The following FBLN7 variants were observed in gnomAD, a reference collection of about 807,000 sequenced individuals.
The protein encoded by FBLN7 is fibulin-7.
FBLN7 carries 31 observed loss-of-function variants against 44.0 expected under a neutral mutation model. The observed-to-expected ratio is 0.70, with a 90% CI of 0.53 to 0.95. The LOEUF (loss-of-function observed/expected upper bound fraction) is 0.95. FBLN7 is among the 40% of genes least tolerant of loss of function. The pLI, the probability that FBLN7 is intolerant of heterozygous loss-of-function variation, is 0.00. For missense variants in FBLN7, 573 were observed against 618.5 expected, an observed-to-expected ratio of 0.93 and a Z score of 0.78; for synonymous variants, 262 against 253.4, an observed-to-expected ratio of 1.03 and a Z score of -0.32.
At chr2:112,199,954 C>T in the FBLN7 span, among the ~76,000 whole-genome samples, 1 of 152,190 alleles carries the variant, frequency 6.6e-6, no homozygotes, top group Non-Finnish European at 1.5e-5. Flanking sequence ...CAGTTCCATG[C>T]TCTTGAACTT....
In FBLN7 at chr2:112,138,486, C is replaced by A; in HGVS notation, c.-170C>A. 1.3e-6 allele frequency: 1 copy of A among 784,888 alleles called. No homozygotes were observed. The highest frequency in any genetic ancestry group is 1.7e-6 in the Non-Finnish European group (1 of 577,784). The allele number at this position is 784,888 out of a possible 1,614,324, so 48.6% of individuals were successfully genotyped here. A position where few individuals can be genotyped will look rare whatever the true frequency, so the allele number is the denominator to read the frequency against. On this transcript the variant is annotated 5_prime_UTR_variant, in exon 1 of 8. Transcript: ENST00000331203. ...CGCAAGGCCCGGGCGGCGCCGATCC[C>A]CGCGGGACGCGCTGCGCTCGGGGCC...
At chr2:112,157,958 G>A (rs959766657) in intron 1 of FBLN7, among the ~76,000 whole-genome samples, 22 of 149,704 alleles carry the variant, frequency 1.5e-4, no homozygotes, top group Non-Finnish European at 2.4e-4. Flanking sequence ...GTGCAGTGGC[G>A]CGATCTCGGC....
At chr2:112,230,816 C>A in the FBLN7 span, 1 of 816,392 alleles carries the variant, frequency 1.2e-6, no homozygotes, top group Non-Finnish European at 1.7e-6. Flanking sequence ...AAAAATACTT[C>A]TATTTGAGAA....
chr2:112,217,031 T>C, the FBLN7 span, among the ~76,000 whole-genome samples: 14 of 152,316 alleles, frequency 9.2e-5, no homozygotes, highest in Admixed American at 7.8e-4. Flanking sequence ...AAAACCCAAC[T>C]ACATATGTTC....
At chr2:112,203,858 G>A in the FBLN7 span, among the ~76,000 whole-genome samples, 2 of 152,286 alleles carry the variant, frequency 1.3e-5, no homozygotes, top group South Asian at 4.1e-4. Flanking sequence ...CAGATCTCAT[G>A]AGACTTATTC....
chr2:112,178,395 G>T (rs1305190224), intron 4 of FBLN7, among the ~76,000 whole-genome samples: 1 of 152,010 alleles, frequency 6.6e-6, no homozygotes, highest in South Asian at 2.1e-4. Flanking sequence ...AGGACCTGAC[G>T]GATTCACAGC....
chr2:112,158,187 G>A (rs554712822), intron 1 of FBLN7, among the ~76,000 whole-genome samples: 215 of 152,182 alleles, frequency 1.4e-3, no homozygotes, highest in African/African-American at 4.8e-3. Flanking sequence ...GTGAGCCACC[G>A]TGCCCAGCCT....
the FBLN7 span, among the ~76,000 whole-genome samples, chr2:112,195,275 T>C: frequency 1.3e-5 from 2 of 152,218 alleles, no homozygotes; most frequent in East Asian, 3.9e-4. Context: ...CAGGGAGCGC[T>C]TTAGATGCAT....
the FBLN7 span, among the ~76,000 whole-genome samples, chr2:112,223,493 G>A: frequency 6.6e-6 from 1 of 152,038 alleles, no homozygotes; most frequent in East Asian, 1.9e-4. Context: ...AAGGACTGCT[G>A]TTTTTCCATG....
At chr2:112,142,687 G>C (rs1436507800) in intron 1 of FBLN7, among the ~76,000 whole-genome samples, 1 of 152,142 alleles carries the variant, frequency 6.6e-6, no homozygotes, top group Admixed American at 6.5e-5. Context: ...CCCTGTCTGG[G>C]GTTCCCGTTT....
At chr2:112,142,399 T>G (rs1436052933) in intron 1 of FBLN7, among the ~76,000 whole-genome samples, 1 of 152,162 alleles carries the variant, frequency 6.6e-6, no homozygotes, top group African/African-American at 2.4e-5. Flanking sequence ...TTGTCTGTAT[T>G]CCCACTATAG....
At chr2:112,158,779 T>C (rs775910837) in intron 1 of FBLN7, among the ~76,000 whole-genome samples, 10 of 151,964 alleles carry the variant, frequency 6.6e-5, no homozygotes, top group Non-Finnish European at 1.5e-4. Flanking sequence ...CTCACTATAT[T>C]GCACAGGCTG....
chr2:112,201,178 G>A, the FBLN7 span, among the ~76,000 whole-genome samples: 1 of 152,228 alleles, frequency 6.6e-6, no homozygotes, highest in Admixed American at 6.5e-5. Context: ...TGAGGCCTCT[G>A]AGGCAGGAGG....
the FBLN7 span, among the ~76,000 whole-genome samples, chr2:112,235,510 A>C: frequency 1.3e-5 from 2 of 152,160 alleles, no homozygotes; most frequent in Admixed American, 1.3e-4. Flanking sequence ...CATTCATAAA[A>C]TATGGAGGCA....
rs529220481 is a variant in FBLN7 at position 112,158,424 on chromosome 2, A to ATTATT, written c.76-1235_76-1231dup. Among the ~76,000 whole-genome samples the ATTATT allele has an allele frequency of 8.2e-3, 1,243 of 151,166 alleles. 11 individuals carry two copies. Among genetic ancestry groups the ATTATT allele is most frequent in the Non-Finnish European group, 0.011 (757 of 67,740 alleles). The stretch of plus-strand genomic sequence containing the variant: ...GGCTCGGCTAATTTTTTTGTTTTTA[A>ATTATT]TTATTTTATTTTATTTTATTTATTA... On this transcript the variant is annotated intron_variant, in intron 1 of 7. Coordinates refer to ENST00000331203, the MANE Select transcript of FBLN7 (RefSeq NM_153214.3).
At chr2:112,218,954 C>T in the FBLN7 span, among the ~76,000 whole-genome samples, 1 of 152,070 alleles carries the variant, frequency 6.6e-6, no homozygotes, top group Admixed American at 6.5e-5. Flanking sequence ...AAATCAAAGG[C>T]ACATAAATAA....
At chr2:112,240,980 TGTGTGC>T in the FBLN7 span, among the ~76,000 whole-genome samples, 6 of 138,990 alleles carry the variant, frequency 4.3e-5, no homozygotes, top group African/African-American at 1.6e-4. Context: ...TGTGTGTGTG[TGTGTGC>T]GCGTGTGTAT....
the FBLN7 span, chr2:112,212,186 G>T: frequency 2.0e-5 from 3 of 152,248 alleles, no homozygotes; most frequent in Non-Finnish European, 4.4e-5. Context: ...TGGTGGAAAA[G>T]GGAGACAGCT....
At chr2:112,157,163 A>G (rs1681472656) in intron 1 of FBLN7, among the ~76,000 whole-genome samples, 1 of 152,340 alleles carries the variant, frequency 6.6e-6, no homozygotes. Context: ...TGAAGTCAGG[A>G]GTTCGAGACC....
Sources: gnomAD v4.1 joint callset for allele counts (sites outside exome capture counted in the v4.1 genomes callset) on GRCh38, gnomAD v4.1.1 for gene constraint, MANE v1.5 for transcripts, NCBI Gene and HGNC (gene_info 2026-07-23, HGNC 2026-07-21) for gene names.